Variants in RIMS1 observed in about 807,000 individuals in gnomAD.
The protein encoded by RIMS1 is regulating synaptic membrane exocytosis 1.
In RIMS1, 83 loss-of-function variants were observed where a neutral mutation model predicts 214.1. The ratio of observed to expected loss-of-function variants is 0.39; its 90% CI spans 0.32 to 0.47. The LOEUF is 0.47. Among genes scored for constraint, RIMS1 ranks in the 20% least tolerant of loss-of-function variants. The pLI is 0.99. For synonymous variants in RIMS1, 793 were observed against 786.8 expected (o/e 1.01, Z -0.13); for missense variants, 2,050 against 2,161.8 (o/e 0.95, Z 1.03).
intron 2 of RIMS1, among the ~76,000 whole-genome samples, chr6:71,976,872 A>G (rs1219006906): frequency 6.6e-6 from 1 of 152,132 alleles, no homozygotes; most frequent in Non-Finnish European, 1.5e-5. Flanking sequence ...CTTATTTATA[A>G]TCACATCTCA....
intron 29 of RIMS1, among the ~76,000 whole-genome samples, chr6:72,387,717 A>G (rs1018768543): frequency 2.0e-5 from 3 of 152,150 alleles, no homozygotes; most frequent in Non-Finnish European, 4.4e-5. Context: ...CATCCATGTG[A>G]CTCTTGGTAG....
chr6:72,327,288 A>G (rs2096507746), intron 28 of RIMS1, among the ~76,000 whole-genome samples: 1 of 151,798 alleles, frequency 6.6e-6, no homozygotes, highest in African/African-American at 2.4e-5. Flanking sequence ...AATGTGGACC[A>G]AAGTGTTATT....
intron 9 of RIMS1, among the ~76,000 whole-genome samples, chr6:72,240,449 GT>G (rs111933034): frequency 5.3e-5 from 8 of 151,240 alleles, no homozygotes; most frequent in African/African-American, 1.5e-4. Context: ...TTTCATAAAT[GT>G]TTTTTAGTGT....
intron 2 of RIMS1, among the ~76,000 whole-genome samples, chr6:72,066,094 A>T (rs1031455655): frequency 6.6e-6 from 1 of 152,202 alleles, no homozygotes; most frequent in African/African-American, 2.4e-5. Context: ...AACTCAGATT[A>T]AACTAAGTAT....
intron 6 of RIMS1, among the ~76,000 whole-genome samples, chr6:72,229,504 T>C (rs2061320992): frequency 6.6e-6 from 1 of 152,020 alleles, no homozygotes; most frequent in East Asian, 1.9e-4. Context: ...TTAAATAATA[T>C]TTATTTCTTA....
At chr6:72,009,500 C>A (rs943982757) in intron 2 of RIMS1, among the ~76,000 whole-genome samples, 11 of 151,940 alleles carry the variant, frequency 7.2e-5, no homozygotes, top group Non-Finnish European at 1.6e-4. Flanking sequence ...GAAATAGAGA[C>A]ACAAAAAACC....
At chr6:72,188,684 G>T (rs2049541507) in intron 6 of RIMS1, among the ~76,000 whole-genome samples, 1 of 152,160 alleles carries the variant, frequency 6.6e-6, no homozygotes, top group South Asian at 2.1e-4. Flanking sequence ...TTTTTTACCT[G>T]GTAGAGTCAC....
At chr6:72,378,951 A>G (rs1263646369) in intron 29 of RIMS1, among the ~76,000 whole-genome samples, 2 of 152,136 alleles carry the variant, frequency 1.3e-5, no homozygotes, top group Non-Finnish European at 2.9e-5. Context: ...CTCTAACCCA[A>G]TATTCTCTGA....
intron 4 of RIMS1, among the ~76,000 whole-genome samples, chr6:72,170,181 A>T (rs144265075): frequency 6.8e-6 from 1 of 148,082 alleles, no homozygotes; most frequent in African/African-American, 2.5e-5. Flanking sequence ...TGCATAGCTT[A>T]CTCTTACTCA....
At chr6:72,280,802 C>G (rs1015162471) in intron 23 of RIMS1, among the ~76,000 whole-genome samples, 3 of 152,020 alleles carry the variant, frequency 2.0e-5, no homozygotes, top group African/African-American at 4.8e-5. Context: ...AACCCTTTGC[C>G]TTCAAGAAAC....
intron 2 of RIMS1, among the ~76,000 whole-genome samples, chr6:72,082,817 A>C (rs1271146349): frequency 6.6e-6 from 1 of 152,174 alleles, no homozygotes; most frequent in African/African-American, 2.4e-5. Context: ...AACTTTACCA[A>C]CAGAAGAGTT....
intron 30 of RIMS1, 192 bp downstream of exon 30, chr6:72,390,928 C>T (rs1451373532): frequency 3.2e-5 from 16 of 493,506 alleles, no homozygotes; most frequent in Non-Finnish European, 4.9e-5. Context: ...TCATTCATAC[C>T]TTTCAAAGGG....
In RIMS1 at chr6:72,299,472, A is replaced by C. The variant is rs367779672; in HGVS notation, c.3850+7426A>C. On this transcript the variant is annotated intron_variant, in intron 26 of 33. Transcript: ENST00000521978. ...AATAAAATATGTGATAATTATTGTA[A>C]CTAGATCATAGAGATTGTAACTAGA... is the stretch of plus-strand genomic sequence containing the variant. 2.0e-5 allele frequency among the ~76,000 whole-genome samples: 3 copies of C among 151,988 alleles called. No individual in the cohort carries two copies. The East Asian group carries it at 5.8e-4, about 29-fold the overall frequency.
At chr6:72,284,017 A>T in intron 23 of RIMS1, 30 bp from the exon 24 acceptor site, 1 of 1,551,666 alleles carries the variant, frequency 6.4e-7, no homozygotes, top group Non-Finnish European at 8.9e-7. Context: ...TATTCATCAT[A>T]TATTTTGTGT....
At chr6:72,093,228 A>ATATATATATATATATATATATATATAT (rs200655727) in intron 2 of RIMS1, among the ~76,000 whole-genome samples, 8,811 of 134,370 alleles carry the variant, frequency 0.066, 849 homozygotes, top group Non-Finnish European at 0.09. Flanking sequence ...ATATATATAT[A>ATATATATATATATATATATATATATAT]AAAACATGTG....
At chr6:72,006,774 G>A (rs1318409525) in intron 2 of RIMS1, among the ~76,000 whole-genome samples, 1 of 152,234 alleles carries the variant, frequency 6.6e-6, no homozygotes, top group Non-Finnish European at 1.5e-5. Flanking sequence ...GTGAGGCTGG[G>A]GGAGGGGCGC....
chr6:72,257,677 A>T (rs1445668462), intron 16 of RIMS1, among the ~76,000 whole-genome samples: 1 of 152,174 alleles, frequency 6.6e-6, no homozygotes, highest in Admixed American at 6.6e-5. Context: ...CTGCAATCCA[A>T]CTAAAATAAT....
chr6:71,908,847 C>T (rs1776070326), intron 1 of RIMS1, among the ~76,000 whole-genome samples: 1 of 152,066 alleles, frequency 6.6e-6, no homozygotes, highest in Non-Finnish European at 1.5e-5. Flanking sequence ...GACCCAGAGC[C>T]AAAGTCAATG....
At chr6:71,920,820 A>G (rs1779750193) in intron 1 of RIMS1, among the ~76,000 whole-genome samples, 1 of 152,232 alleles carries the variant, frequency 6.6e-6, no homozygotes, top group Non-Finnish European at 1.5e-5. Flanking sequence ...ATAGTCAATC[A>G]TATTCCTTGC....
Sources: gnomAD v4.1 joint callset for allele counts (sites outside exome capture counted in the v4.1 genomes callset) on GRCh38, gnomAD v4.1.1 for gene constraint, MANE v1.5 for transcripts, NCBI Gene and HGNC (gene_info 2026-07-23, HGNC 2026-07-21) for gene names.